F13B: variants seen among roughly 807,000 people sequenced by gnomAD.
The protein encoded by F13B is TGase.
F13B carries 58 observed loss-of-function variants against 79.8 expected under a neutral mutation model. That is an observed-to-expected ratio of 0.73 (90% confidence interval 0.59 to 0.90). F13B has a LOEUF of 0.90. Among genes scored for constraint, F13B ranks in the 40% least tolerant of loss-of-function variants. The pLI is 0.00. For missense variants in F13B, 773 were observed against 777.0 expected (o/e 0.99, Z 0.06); for synonymous variants, 283 against 260.3 (o/e 1.09, Z -0.84).
At chr1:197,066,491 T>A (rs900281442) in intron 1 of F13B, among the ~76,000 whole-genome samples, 3 of 152,122 alleles carry the variant, frequency 2.0e-5, no homozygotes, top group African/African-American at 7.2e-5. Flanking sequence ...TCTTACACAT[T>A]GGGCAATCTG....
chr1:197,055,094 T>A (rs943689069), intron 8 of F13B, among the ~76,000 whole-genome samples: 1 of 151,974 alleles, frequency 6.6e-6, no homozygotes, highest in Non-Finnish European at 1.5e-5. Context: ...CAATATATTT[T>A]GAGTGAAAAA....
chr1:197,039,431 A>C lies in F13B; in HGVS notation c.1953-20T>G. The C allele has an allele frequency of 6.2e-7, 1 of 1,605,248 alleles. No individual in the cohort carries two copies. Among genetic ancestry groups the C allele is most frequent in the Non-Finnish European group, 8.5e-7 (1 of 1,174,014 alleles). ...AGAGTGCTTGAGGGGAAAAAGAGAG[A>C]TTTTTGAAATAAGCATCAATTGCAG... On this transcript the variant is annotated intron_variant, in intron 11 of 11. Coordinates refer to ENST00000367412, the MANE Select transcript of F13B (RefSeq NM_001994.3).
At position 197,050,791 on chromosome 1, in the gene F13B, T is replaced by C. The variant is rs200450548; in HGVS notation, c.1644A>G (p.Ser548=). The C allele has an allele frequency of 1.4e-5, 23 of 1,613,460 alleles. No individual in the cohort carries two copies. The East Asian group carries it at 5.1e-4, about 36-fold the overall frequency. ...GGTGATCAAAACATCTGTATTCTAC[T>C]GAAGAGCCATTTTCATAGGTGTCTA... ...STVDTYENGS[S]VEYRCFDHHF... The change falls in exon 10 of 12, where the codon TCA becomes TCG. Residue 548 remains serine (S), a synonymous_variant. Coordinates refer to ENST00000367412, the MANE Select transcript of F13B (RefSeq NM_001994.3).
intron 5 of F13B, 65 bp downstream of exon 5, chr1:197,060,301 G>T (rs1655803086): frequency 7.9e-7 from 1 of 1,267,718 alleles, no homozygotes; most frequent in Admixed American, 1.7e-5. Context: ...AATTTTGTCA[G>T]AGCTAATAGA....
In F13B at chr1:197,057,384, T is replaced by C. The variant is rs780992530; in HGVS notation, c.887A>G (p.Glu296Gly). Residue 296 changes from glutamate to glycine, a missense_variant, in exon 6 of 12, where the codon GAA (glutamate) becomes GGA (glycine). Glu to Gly is a moderately conservative substitution (Grantham distance 98). Transcript: ENST00000367412. ...AAGTTCACATTCTATATGAACTATT[T>C]CTCCATGACGATAAGTTGTTGAATG... The part of the protein sequence containing the change: ...QTHSTTYRHG[E>G]IVHIECELNF... The C allele has an allele frequency of 1.2e-6, 2 of 1,613,970 alleles. No individual in the cohort carries two copies. The highest frequency in any genetic ancestry group is 1.7e-5 in the Admixed American group (1 of 59,958).
chr1:197,045,048 A>T (rs996468884), intron 10 of F13B, among the ~76,000 whole-genome samples: 14 of 152,190 alleles, frequency 9.2e-5, no homozygotes, highest in African/African-American at 2.9e-4. Context: ...TGCCCACAAG[A>T]GAATGCAGGA....
At chr1:197,058,247 A>C (rs1010487157) in intron 5 of F13B, among the ~76,000 whole-genome samples, 4 of 152,156 alleles carry the variant, frequency 2.6e-5, no homozygotes, top group Non-Finnish European at 5.9e-5. Flanking sequence ...GAAGTAAATA[A>C]ATTAATAGCA....
Position 197,063,023 on chromosome 1 carries a change from T to C in F13B, c.99A>G (p.Gly33=). 6.2e-7 allele frequency: 1 copy of C among 1,612,766 alleles called. No homozygotes were observed. Among genetic ancestry groups the C allele is most frequent in the Non-Finnish European group, 8.5e-7 (1 of 1,179,604 alleles). ...KPCGFPHVEN[G]RIAQYYYTFK... Reference sequence around the variant, plus strand: ...AAGTATAGTAATATTGGGCAATTCTTCCATTTTCCACATGAGGAAAACCAC... The same window carrying C: ...AAGTATAGTAATATTGGGCAATTCTCCCATTTTCCACATGAGGAAAACCAC... The change falls in exon 2 of 12, where the codon GGA becomes GGG. Residue 33 remains glycine (G), a synonymous_variant. Coordinates refer to ENST00000367412, the MANE Select transcript of F13B (RefSeq NM_001994.3).
intron 4 of F13B, 106 bp from the exon 5 acceptor site, chr1:197,060,648 A>G: frequency 1.2e-6 from 1 of 851,534 alleles, no homozygotes; most frequent in Admixed American, 2.8e-5. Flanking sequence ...TAAATTTGCC[A>G]AAAAGCTTAT....
At chr1:197,053,992 G>A (rs1384734568) in intron 8 of F13B, among the ~76,000 whole-genome samples, 1 of 152,050 alleles carries the variant, frequency 6.6e-6, no homozygotes, top group East Asian at 1.9e-4. Context: ...GACTCTTAAT[G>A]TCTGGAATAA....
intron 5 of F13B, among the ~76,000 whole-genome samples, chr1:197,059,604 G>T (rs1323677797): frequency 6.6e-6 from 1 of 152,104 alleles, no homozygotes; most frequent in Non-Finnish European, 1.5e-5. Context: ...CTTAAATATT[G>T]TCCATCACTT....
chr1:197,042,115 A>C (rs1176481246), intron 10 of F13B, among the ~76,000 whole-genome samples: 2 of 152,212 alleles, frequency 1.3e-5, no homozygotes, highest in Non-Finnish European at 2.9e-5. Context: ...AGGTAACTGA[A>C]ACCACAGAAA....
Position 197,038,837 on chromosome 1 carries a change from T to C in F13B, c.*541A>G, listed in dbSNP as rs996265907. 1.3e-5 allele frequency among the ~76,000 whole-genome samples: 2 copies of C among 152,118 alleles called. No homozygotes were observed. The highest frequency in any genetic ancestry group is 2.9e-5 in the Non-Finnish European group (2 of 67,990). The stretch of plus-strand genomic sequence containing the variant: ...CACCACCTCATAAACAATTTGGTTA[T>C]TAACGTTGTAGCAAATATTACAGTT... On this transcript the variant is annotated 3_prime_UTR_variant, in exon 12 of 12. Transcript: ENST00000367412.
Position 197,039,313 on chromosome 1 carries a change from A to T in F13B, c.*65T>A. The T allele has an allele frequency of 7.2e-7, 1 of 1,392,418 alleles. No individual in the cohort carries two copies. Among genetic ancestry groups the T allele is most frequent in the Non-Finnish European group, 1.0e-6 (1 of 989,844 alleles). 86.3% of individuals were successfully genotyped at this position (1,392,418 alleles called of 1,614,324 possible). On this transcript the variant is annotated 3_prime_UTR_variant, in exon 12 of 12. Coordinates refer to ENST00000367412, the MANE Select transcript of F13B (RefSeq NM_001994.3). ...CCGAAGTTTTTAACTTATTTCCTCA[A>T]AATTATATTTTATAAGGAATTTCAT...
chr1:197,060,279 T>TA, intron 5 of F13B, 87 bp downstream of exon 5: 2 of 962,164 alleles, frequency 2.1e-6, no homozygotes, highest in South Asian at 3.2e-5. Flanking sequence ...AAAAAATAGA[T>TA]ATGACCACAG....
chr1:197,059,991 T>C (rs1264007956), intron 5 of F13B, among the ~76,000 whole-genome samples: 1 of 152,134 alleles, frequency 6.6e-6, no homozygotes, highest in Non-Finnish European at 1.5e-5. Flanking sequence ...TGGAGATTAA[T>C]TTTTACATCT....
chr1:197,040,489 A>G (rs748039738), intron 11 of F13B, 33 bp downstream of exon 11: 1 of 1,519,638 alleles, frequency 6.6e-7, no homozygotes, highest in Admixed American at 1.7e-5. Context: ...TGACCAAAAA[A>G]AATAATCTGA....
chr1:197,039,166 G>C lies in F13B; in HGVS notation c.*212C>G. The C allele has an allele frequency of 1.9e-6, 1 of 528,864 alleles. No homozygotes were observed. The highest frequency in any genetic ancestry group is 3.3e-6 in the Non-Finnish European group (1 of 298,588). 32.8% of individuals were successfully genotyped at this position (528,864 alleles called of 1,614,324 possible). ...TGTAACAGATGGAAGACATACAAAA[G>C]AGATTAAGTTCTACATCAAATCATA... On this transcript the variant is annotated 3_prime_UTR_variant, in exon 12 of 12. Coordinates refer to ENST00000367412, the MANE Select transcript of F13B (RefSeq NM_001994.3).
rs771416936 is a variant in F13B at position 197,057,075 on chromosome 1, A to G, written c.1109T>C (p.Leu370Pro). The G allele has an allele frequency of 6.2e-7, 1 of 1,613,852 alleles. No homozygotes were observed. The highest frequency in any genetic ancestry group is 2.2e-5 in the East Asian group (1 of 44,862). Reference protein sequence around the residue: ...VTYACKSGYLLHGSNEITCNR... With the variant: ...VTYACKSGYLPHGSNEITCNR... ...ACAAGTTATCTCATTCGATCCATGG[A>G]GAAGGTAGCCGCTTTTACATGCATA... The change falls in exon 7 of 12, where the codon CTC becomes CCC. Residue 370 changes from leucine to proline, a missense_variant. Coordinates refer to ENST00000367412, the MANE Select transcript of F13B (RefSeq NM_001994.3).
Sources: allele counts gnomAD v4.1 joint callset (sites outside exome capture counted in the v4.1 genomes callset), GRCh38; gene constraint gnomAD v4.1.1; transcripts MANE v1.5; gene names NCBI Gene and HGNC (gene_info 2026-07-23, HGNC 2026-07-21).